The following HK3 variants were observed in gnomAD, a reference collection of about 807,000 sequenced individuals.
HK3 encodes hexokinase-3.
Under a neutral mutation model 91.0 loss-of-function variants are expected in HK3, and 93 were observed. The observed-to-expected ratio is 1.02, with a 90% confidence interval of 0.86 to 1.21. The LOEUF is 1.21. Among genes scored for constraint, HK3 ranks in the 50% most tolerant of loss-of-function variants. The pLI is 0.00. For missense variants in HK3, 1,235 were observed against 1,247.4 expected (o/e 0.99, Z 0.15); for synonymous variants, 519 against 516.9 (o/e 1.00, Z -0.06).
At chr5:176,886,468 G>A (rs1174771986) in intron 13 of HK3, among the ~76,000 whole-genome samples, 1 of 151,930 alleles carries the variant, frequency 6.6e-6, no homozygotes, top group Admixed American at 6.6e-5. Context: ...GGGAGGTATT[G>A]TTTCCGTGAC....
chr5:176,881,027 G>T lies in HK3; in HGVS notation c.*46C>A. 1 of 1,545,066 alleles carries T rather than the reference G, an allele frequency of 6.5e-7. No individual in the cohort carries two copies. The highest frequency in any genetic ancestry group is 8.7e-7 in the Non-Finnish European group (1 of 1,147,528). On this transcript the variant is annotated 3_prime_UTR_variant, in exon 19 of 19. Transcript: ENST00000292432. The stretch of plus-strand genomic sequence containing the variant: ...TGGGAAACAGGCAGACCCCGACCCG[G>T]CTCCAGCAAGGCTGCGGCGGAGACC...
chr5:176,894,477 G>A (rs939254503), intron 2 of HK3, among the ~76,000 whole-genome samples: 3 of 152,228 alleles, frequency 2.0e-5, no homozygotes, highest in Admixed American at 6.5e-5. Context: ...GGCAAGAAGC[G>A]AGGGAGGAGA....
chr5:176,889,322 G>T, intron 8 of HK3, 59 bp downstream of exon 8: 3 of 1,549,438 alleles, frequency 1.9e-6, no homozygotes, highest in Non-Finnish European at 2.6e-6. Flanking sequence ...AAGGGGTTGG[G>T]AGCAGAGCAG....
chr5:176,891,190 C>A lies in HK3; in HGVS notation c.261G>T (p.Glu87Asp). Residue 87 changes from glutamate to aspartate, a missense_variant and splice_region_variant, in exon 4 of 19, where the codon GAG (glutamate) becomes GAT (aspartate). Around this residue, in one of 3 missense-constraint regions of HK3, gnomAD observed 717 missense variants for 751.6 expected, o/e 0.95. Transcript: ENST00000292432. Reference sequence around the variant, plus strand: ...GCTCCAGCACCACGAAGTCTCCTTGCTCTGGAGGGCAAGCAGGTCACAGAA... The same window carrying A: ...GCTCCAGCACCACGAAGTCTCCTTGATCTGGAGGGCAAGCAGGTCACAGAA... ...TYVGSTPHGT[E>D]QGDFVVLELG... The A allele has an allele frequency of 6.2e-7, 1 of 1,614,148 alleles. No homozygotes were observed. The highest frequency in any genetic ancestry group is 8.5e-7 in the Non-Finnish European group (1 of 1,180,048).
In HK3 at chr5:176,889,401, G is replaced by C. The variant is rs755544241; in HGVS notation, c.894C>G (p.Ser298=). 3 of 1,613,938 alleles carry C rather than the reference G, an allele frequency of 1.9e-6. No homozygotes were observed. In the East Asian group the frequency reaches 6.7e-5, roughly 36 times the overall value. The change falls in exon 8 of 19, where the codon TCC becomes TCG. Residue 298 remains serine (S), a synonymous_variant. Transcript: ENST00000292432. The stretch of plus-strand genomic sequence containing the variant: ...GTCACCTCTGAGCACCAGGATTCAG[G>C]GACTCATGGTCCAGGGTATGGTCGA... ...TTFDHTLDHE[S]LNPGAQRFEK... is the part of the protein sequence containing the mutation.
At position 176,881,759 on chromosome 5, in the gene HK3, C is replaced by T; in HGVS notation, c.2326G>A (p.Gly776Ser). The T allele has an allele frequency of 6.2e-7, 1 of 1,614,120 alleles. No homozygotes were observed. The highest frequency in any genetic ancestry group is 8.5e-7 in the Non-Finnish European group (1 of 1,180,030). Residue 776 changes from glycine to serine, a missense_variant, in exon 17 of 19, where the codon GGC (glycine) becomes AGC (serine). By Grantham distance (56) the Gly-to-Ser change is moderately conservative (BLOSUM62 0). Around this residue, in one of 3 missense-constraint regions of HK3, gnomAD observed 513 missense variants for 477.4 expected, o/e 1.07. Coordinates refer to ENST00000292432, the MANE Select transcript of HK3 (RefSeq NM_002115.3). ...HLTSLGVLFR[G>S]QQIQRLQTRD... ...GTCTGAAGGCGCTGGATCTGCTGGC[C>T]CCGGAAGAGAACGCCAAGGCTGGTT...
intron 2 of HK3, among the ~76,000 whole-genome samples, chr5:176,894,447 C>G (rs1214782910): frequency 1.3e-5 from 2 of 152,136 alleles, no homozygotes; most frequent in Non-Finnish European, 2.9e-5. Flanking sequence ...TGGGCCTGCA[C>G]AGGAGTGTCA....
Position 176,888,848 on chromosome 5 carries a change from C to T in HK3, c.931G>A (p.Gly311Arg), listed in dbSNP as rs780844872. ...ACCAGCTCACCCAGGTACAGGCCTC[C>T]GATCATCTTCTCAAACCTGCAGGGG... Reference protein sequence around the residue: ...PGAQRFEKMIGGLYLGELVRL... With the variant: ...PGAQRFEKMIRGLYLGELVRL... Residue 311 changes from glycine (G) to arginine (R), a missense_variant, in exon 9 of 19, where the codon GGA (glycine) becomes AGA (arginine). By Grantham distance (125) the Gly-to-Arg change is moderately radical. Transcript: ENST00000292432. 31 of 1,613,846 alleles carry T rather than the reference C, an allele frequency of 1.9e-5. No homozygotes were observed. The highest frequency in any genetic ancestry group is 5.0e-5 in the Admixed American group (3 of 59,952).
intron 2 of HK3, 46 bp downstream of exon 2, chr5:176,896,018 G>A (rs1758902289): frequency 1.3e-6 from 2 of 1,515,856 alleles, no homozygotes; most frequent in Admixed American, 1.7e-5. Context: ...CGCTGCTCTT[G>A]AAGGCCTTAG....
chr5:176,892,095 C>T (rs1365727735), intron 2 of HK3, among the ~76,000 whole-genome samples: 4 of 152,178 alleles, frequency 2.6e-5, no homozygotes, highest in East Asian at 1.9e-4. Context: ...CTCCAGCCCT[C>T]ACTATGCACC....
At chr5:176,897,768 C>T (rs577913056) in intron 1 of HK3, among the ~76,000 whole-genome samples, 2 of 152,258 alleles carry the variant, frequency 1.3e-5, no homozygotes, top group East Asian at 3.9e-4. Context: ...CGGTCATGCC[C>T]TCCCTCTACA....
In HK3 at chr5:176,881,504, T is replaced by C. The variant is rs1758427052; in HGVS notation, c.2425A>G (p.Ile809Val). 1 of 1,605,560 alleles carries C rather than the reference T, an allele frequency of 6.2e-7. No homozygotes were observed. Among genetic ancestry groups the C allele is most frequent in the Non-Finnish European group, 8.5e-7 (1 of 1,179,346 alleles). ...AGGGGTAGCCCCAGATCCTCTAGGA[T>C]GGCTCGGACCTGCCGCAGGGCCAGG... ...DSLALRQVRAILEDLGLPLTS... is the reference protein window; with the variant it reads ...DSLALRQVRAVLEDLGLPLTS... Residue 809 changes from isoleucine to valine, a missense_variant, in exon 18 of 19, where the codon ATC becomes GTC. By Grantham distance (29) the Ile-to-Val change is conservative. This residue lies in a region of HK3 where 513 missense variants were observed against 477.4 expected (regional missense o/e 1.07). Coordinates refer to ENST00000292432, the MANE Select transcript of HK3 (RefSeq NM_002115.3).
Position 176,887,896 on chromosome 5 carries a change from AC to A in HK3, c.1305-151del. ...GCCTCCTGAAGCCCAAGGCCCCATC[AC>A]TTTTTTTTTTTTATTTTTGTAGATA... On this transcript the variant is annotated intron_variant, in intron 10 of 18. Transcript: ENST00000292432. The surrounding 1 kb of genome is among the most constrained non-coding windows in gnomAD (Gnocchi z 4.9). The A allele has an allele frequency of 2.9e-6, 2 of 688,098 alleles. No homozygotes were observed. The highest frequency in any genetic ancestry group is 4.7e-6 in the Non-Finnish European group (2 of 426,546). 42.6% of individuals were successfully genotyped at this position (688,098 alleles called of 1,614,324 possible).
At position 176,887,782 on chromosome 5, in the gene HK3, G is replaced by C; in HGVS notation, c.1305-36C>G. 1 of 1,569,678 alleles carries C rather than the reference G, an allele frequency of 6.4e-7. No homozygotes were observed. The highest frequency in any genetic ancestry group is 8.7e-7 in the Non-Finnish European group (1 of 1,153,738). ...ATACAGGTGCACCCGGCTTGGCCCTGGACCCCCAGACACACACAGGTGTGC... is the reference window on the plus strand; with the variant it reads ...ATACAGGTGCACCCGGCTTGGCCCTCGACCCCCAGACACACACAGGTGTGC... On this transcript the variant is annotated intron_variant, in intron 10 of 18. Transcript: ENST00000292432. This position sits in a 1 kb window ranked among gnomAD's most constrained non-coding sequence, Gnocchi z 4.9.
In HK3 at chr5:176,887,518, C is replaced by A. The variant is rs144465730; in HGVS notation, c.1533G>T (p.Gly511=). The part of the protein sequence containing the change: ...QAQMRKAMAK[G]LRGEASSLRM... ...GAAGGGAGGAGGCCTCCCCTCGGAG[C>A]CCCTTGGCCATGGCCTTCCGCATCT... The change falls in exon 11 of 19, where the codon GGG becomes GGT. Residue 511 remains glycine, a synonymous_variant. Coordinates refer to ENST00000292432, the MANE Select transcript of HK3 (RefSeq NM_002115.3). The surrounding 1 kb of genome is among the most constrained non-coding windows in gnomAD (Gnocchi z 4.9). The A allele has an allele frequency of 5.0e-5, 80 of 1,613,764 alleles. No homozygotes were observed. In the African/African-American group the frequency reaches 9.2e-4, roughly 19 times the overall value.
rs761606702 is a variant in HK3, at chr5:176,891,570, C to T, written c.97-20G>A. 6 of 1,602,252 alleles carry T rather than the reference C, an allele frequency of 3.7e-6. No individual in the cohort carries two copies. The Admixed American group carries it at 5.1e-5, about 14-fold the overall frequency. ...CTGCACCTGGGGAGAAACAGGCCAA[C>T]ATCTGGGAAGGAGCACCATTGGGCT... is the stretch of plus-strand genomic sequence containing the variant. On this transcript the variant is annotated intron_variant, in intron 2 of 18. Coordinates refer to ENST00000292432, the MANE Select transcript of HK3 (RefSeq NM_002115.3).
chr5:176,885,514 C>T (rs1758561580), intron 13 of HK3, among the ~76,000 whole-genome samples: 2 of 152,076 alleles, frequency 1.3e-5, no homozygotes, highest in South Asian at 4.1e-4. Context: ...CTCTGCCTCC[C>T]GGGTTCAAGT....
intron 4 of HK3, 37 bp downstream of exon 4, chr5:176,891,000 G>T: frequency 6.2e-7 from 1 of 1,613,828 alleles, no homozygotes; most frequent in Non-Finnish European, 8.5e-7. Context: ...ACCCAGCCAG[G>T]CCCCCAGACC....
At position 176,891,196 on chromosome 5, in the gene HK3, A is replaced by G; in HGVS notation, c.260-5T>C. On this transcript the variant is annotated splice_polypyrimidine_tract_variant and splice_region_variant and intron_variant, in intron 3 of 18. Coordinates refer to ENST00000292432, the MANE Select transcript of HK3 (RefSeq NM_002115.3). ...GCACCACGAAGTCTCCTTGCTCTGG[A>G]GGGCAAGCAGGTCACAGAAAGCCAT... 6.2e-7 allele frequency: 1 copy of G among 1,614,086 alleles called. No homozygotes were observed. The highest frequency in any genetic ancestry group is 2.2e-5 in the East Asian group (1 of 44,868).
Sources: gnomAD v4.1 joint callset for allele counts (sites outside exome capture counted in the v4.1 genomes callset) on GRCh38, gnomAD v4.1.1 for gene constraint, gnomAD v4.1.1 regional missense constraint, Gnocchi (gnomAD v3.1) non-coding constraint, MANE v1.5 for transcripts, NCBI Gene and HGNC (gene_info 2026-07-23, HGNC 2026-07-21) for gene names.